RSPH9: variants seen among roughly 807,000 people sequenced by gnomAD.
The protein encoded by RSPH9 is radial spoke head protein 9 homolog.
In RSPH9, 27 loss-of-function variants were observed where a neutral mutation model predicts 27.0. The observed-to-expected ratio is 1.00, with a 90% CI of 0.74 to 1.38. RSPH9 has a LOEUF of 1.38. Among genes scored for constraint, RSPH9 ranks in the 40% most tolerant of loss-of-function variants. The pLI is 0.00. For missense variants in RSPH9, 347 were observed against 357.4 expected (o/e 0.97, Z 0.24); for synonymous variants, 145 against 147.7 (o/e 0.98, Z 0.13).
intron 2 of RSPH9, among the ~76,000 whole-genome samples, chr6:43,653,098 G>A (rs149696219): frequency 6.6e-6 from 1 of 152,204 alleles, no homozygotes; most frequent in East Asian, 1.9e-4. Flanking sequence ...GGATTTATAG[G>A]CATGAGCCAT....
chr6:43,650,572 A>G (rs1771338796), intron 2 of RSPH9, 32 bp downstream of exon 2: 1 of 1,612,552 alleles, frequency 6.2e-7, no homozygotes, highest in Non-Finnish European at 8.5e-7. Context: ...AGGAGGGCCT[A>G]AAAGAGAGCC....
At chr6:43,661,372 G>C (rs1772594509) in intron 4 of RSPH9, among the ~76,000 whole-genome samples, 1 of 152,108 alleles carries the variant, frequency 6.6e-6, no homozygotes, top group Non-Finnish European at 1.5e-5. Flanking sequence ...GAAAGTCCTA[G>C]ATGTTTGGCT....
intron 1 of RSPH9, among the ~76,000 whole-genome samples, 198 bp from the exon 2 acceptor site, chr6:43,650,177 G>T (rs1232006377): frequency 6.6e-6 from 1 of 152,182 alleles, no homozygotes; most frequent in Non-Finnish European, 1.5e-5. Context: ...GCCTCCCAAA[G>T]TGCTGGGATT....
intron 4 of RSPH9, among the ~76,000 whole-genome samples, chr6:43,669,215 G>A (rs1249965670): frequency 6.6e-6 from 1 of 152,218 alleles, no homozygotes; most frequent in Non-Finnish European, 1.5e-5. Context: ...GGAGGGGGCT[G>A]ACGTCATCCT....
Position 43,672,044 on chromosome 6 carries a change from A to C in RSPH9, c.*1095A>C. 1 of 1,074,638 alleles carries C rather than the reference A, an allele frequency of 9.3e-7. No individual in the cohort carries two copies. Among genetic ancestry groups the C allele is most frequent in the South Asian group, 1.7e-5 (1 of 59,726 alleles). The allele number at this position is 1,074,638 out of a possible 1,614,324, so 66.6% of individuals were successfully genotyped here. The stretch of plus-strand genomic sequence containing the variant: ...CACCAGTTTCCCTTTCCTGAAGTGC[A>C]GGGATTTTCCTGGGAGTAACTGCTG... On this transcript the variant is annotated 3_prime_UTR_variant, in exon 5 of 5. Coordinates refer to ENST00000372163, the MANE Select transcript of RSPH9 (RefSeq NM_152732.5).
At chr6:43,654,477 C>T (rs186237795) in intron 2 of RSPH9, among the ~76,000 whole-genome samples, 29 of 152,098 alleles carry the variant, frequency 1.9e-4, no homozygotes, top group Non-Finnish European at 2.8e-4. Context: ...TGCTTGAGCC[C>T]GGGAGTTGGA....
intron 1 of RSPH9, among the ~76,000 whole-genome samples, chr6:43,645,986 G>A (rs1342060423): frequency 6.6e-6 from 1 of 152,154 alleles, no homozygotes; most frequent in African/African-American, 2.4e-5. Flanking sequence ...GCAGAGTCTT[G>A]CTCTGTCACC....
intron 4 of RSPH9, among the ~76,000 whole-genome samples, chr6:43,657,461 A>T (rs1772148329): frequency 6.6e-6 from 1 of 152,244 alleles, no homozygotes; most frequent in South Asian, 2.1e-4. Flanking sequence ...AGATGAAGAA[A>T]CAGGGGCTCA....
rs369199929 is a variant in RSPH9 at position 43,659,405 on chromosome 6, C to T, written c.670+2682C>T. The stretch of plus-strand genomic sequence containing the variant: ...GCCCGGCTTTTTTTTTTTTTTGAGA[C>T]GGAGTCTCGCTCTGTCGCCCAGGCT... On this transcript the variant is annotated intron_variant, in intron 4 of 4. Coordinates refer to ENST00000372163, the MANE Select transcript of RSPH9 (RefSeq NM_152732.5). Among the ~76,000 whole-genome samples the T allele has an allele frequency of 2.0e-3, 299 of 146,828 alleles. 4 individuals carry two copies. Among genetic ancestry groups the T allele is most frequent in the African/African-American group, 6.9e-3 (276 of 39,924 alleles).
At chr6:43,646,277 G>A (rs1770854892) in intron 1 of RSPH9, among the ~76,000 whole-genome samples, 2 of 151,790 alleles carry the variant, frequency 1.3e-5, no homozygotes, top group South Asian at 4.1e-4. Context: ...GACTACAGGC[G>A]CCCGCCACCA....
chr6:43,645,388 C>A, intron 1 of RSPH9, 63 bp downstream of exon 1: 1 of 120,274 alleles, frequency 8.3e-6, no homozygotes, highest in Non-Finnish European at 1.7e-5. Flanking sequence ...GCGGGGTGGG[C>A]GGGTCGCAGC....
rs1188683598 is a variant in RSPH9, at chr6:43,652,993, A to AT, written c.393+2460dup. 6.7e-5 allele frequency among the ~76,000 whole-genome samples: 10 copies of AT among 150,162 alleles called. No homozygotes were observed. The East Asian group carries it at 9.9e-4, about 15-fold the overall frequency. Reference sequence around the variant, plus strand: ...ACCACCATACCTGGCTAATTTTTGTATTTTTTTGTAGAGATGGGGTCTTGC... The same window carrying AT: ...ACCACCATACCTGGCTAATTTTTGTATTTTTTTTGTAGAGATGGGGTCTTGC... On this transcript the variant is annotated intron_variant, in intron 2 of 4. Coordinates refer to ENST00000372163, the MANE Select transcript of RSPH9 (RefSeq NM_152732.5).
chr6:43,654,731 G>C (rs148255095), intron 2 of RSPH9, among the ~76,000 whole-genome samples: 1 of 152,236 alleles, frequency 6.6e-6, no homozygotes, highest in East Asian at 1.9e-4. Flanking sequence ...GCTGAGGCAG[G>C]AGAATCTCTT....
At chr6:43,647,000 T>C (rs916417990) in intron 1 of RSPH9, among the ~76,000 whole-genome samples, 2 of 148,838 alleles carry the variant, frequency 1.3e-5, no homozygotes, top group Non-Finnish European at 1.5e-5. Flanking sequence ...CAGGGCATGG[T>C]GGTGCATACC....
intron 4 of RSPH9, among the ~76,000 whole-genome samples, chr6:43,660,795 GATGA>G (rs1772536815): frequency 6.6e-6 from 1 of 152,144 alleles, no homozygotes. Flanking sequence ...CATCTAAAAT[GATGA>G]ATGTTTTCCA....
intron 4 of RSPH9, among the ~76,000 whole-genome samples, chr6:43,657,361 A>C (rs185695774): frequency 1.3e-5 from 2 of 152,360 alleles, no homozygotes; most frequent in African/African-American, 4.8e-5. Flanking sequence ...GACACTGCTT[A>C]TCATGTGTCA....
chr6:43,651,483 C>T (rs1228286387), intron 2 of RSPH9, among the ~76,000 whole-genome samples: 1 of 152,056 alleles, frequency 6.6e-6, no homozygotes, highest in Non-Finnish European at 1.5e-5. Flanking sequence ...GTAAAGTTTC[C>T]TCCCATCTCT....
rs1056541955 is a variant in RSPH9, at chr6:43,666,896, T to C, written c.671-3893T>C. On this transcript the variant is annotated intron_variant, in intron 4 of 4. Transcript: ENST00000372163. ...CCAAGTAGCTGGGATTACAGGCGCA[T>C]GTCACCACGCCTAATTTTTGTATTT... Among the ~76,000 whole-genome samples, 6 of 152,268 alleles carry C rather than the reference T, an allele frequency of 3.9e-5. No individual in the cohort carries two copies. The South Asian group carries it at 6.2e-4, about 16-fold the overall frequency.
intron 4 of RSPH9, 58 bp downstream of exon 4, chr6:43,656,781 A>T (rs1389489587): frequency 6.4e-7 from 1 of 1,566,814 alleles, no homozygotes; most frequent in Non-Finnish European, 8.8e-7. Context: ...GCAGTGGGCC[A>T]TGCCACCTGC....
Sources: gnomAD v4.1 joint callset for allele counts (sites outside exome capture counted in the v4.1 genomes callset) on GRCh38, gnomAD v4.1.1 for gene constraint, MANE v1.5 for transcripts, NCBI Gene and HGNC (gene_info 2026-07-23, HGNC 2026-07-21) for gene names.